Variants in PRKCZ observed in about 807,000 individuals in gnomAD.
The protein encoded by PRKCZ is protein kinase C zeta type.
PRKCZ carries 33 observed loss-of-function variants against 79.5 expected under a neutral mutation model. The ratio of observed to expected loss-of-function variants is 0.41; its 90% CI spans 0.31 to 0.55. The LOEUF is 0.55. PRKCZ is among the 20% of genes least tolerant of loss of function. The pLI, the probability that PRKCZ is intolerant of heterozygous loss-of-function variation, is 0.19. For missense variants in PRKCZ, 578 were observed against 813.5 expected, an observed-to-expected ratio of 0.71 and a Z score of 3.52; for synonymous variants, 342 against 320.9, an observed-to-expected ratio of 1.07 and a Z score of -0.70.
chr1:2,169,800 G>C (rs1684078990), intron 11 of PRKCZ, among the ~76,000 whole-genome samples, 196 bp downstream of exon 11: 1 of 132,256 alleles, frequency 7.6e-6, no homozygotes, highest in South Asian at 3.2e-4. Context: ...ACGGGGGCGG[G>C]GGGGGCGGGG....
At chr1:2,110,549 A>C (rs1032849809) in intron 4 of PRKCZ, among the ~76,000 whole-genome samples, 1 of 152,052 alleles carries the variant, frequency 6.6e-6, no homozygotes, top group South Asian at 2.1e-4. Flanking sequence ...CCGAAGAGGG[A>C]AACAGAGACT....
chr1:2,066,057 G>C (rs1422168794), intron 4 of PRKCZ, among the ~76,000 whole-genome samples: 1 of 152,020 alleles, frequency 6.6e-6, no homozygotes, highest in East Asian at 1.9e-4. Context: ...CATTTTACTA[G>C]TATTTTCTTG....
At chr1:2,114,772 C>G (rs1480868763) in intron 4 of PRKCZ, among the ~76,000 whole-genome samples, 1 of 145,030 alleles carries the variant, frequency 6.9e-6, no homozygotes, top group Non-Finnish European at 1.5e-5. Context: ...GACTCCGTCT[C>G]AAAAAAAAAA....
At chr1:2,130,402 C>A (rs1394825185) in intron 4 of PRKCZ, among the ~76,000 whole-genome samples, 1 of 152,198 alleles carries the variant, frequency 6.6e-6, no homozygotes, top group Non-Finnish European at 1.5e-5. Context: ...CCTGGCGTGC[C>A]TTCCCGTGGG....
At chr1:2,086,187 A>T (rs1664491337) in intron 4 of PRKCZ, among the ~76,000 whole-genome samples, 1 of 151,160 alleles carries the variant, frequency 6.6e-6, no homozygotes, top group African/African-American at 2.4e-5. Context: ...TCAGCCTCCC[A>T]AGTAGCTGGG....
chr1:2,157,299 G>A (rs1474340640), intron 10 of PRKCZ, among the ~76,000 whole-genome samples: 3 of 152,252 alleles, frequency 2.0e-5, no homozygotes, highest in Middle Eastern at 3.4e-3. Context: ...CTACTAGGGC[G>A]TCCCGTGCCC....
Position 2,172,330 on chromosome 1 carries a change from C to G in PRKCZ, c.1227C>G (p.Ser409Arg). 6.2e-7 allele frequency: 1 copy of G among 1,613,620 alleles called. No individual in the cohort carries two copies. The highest frequency in any genetic ancestry group is 8.5e-7 in the Non-Finnish European group (1 of 1,180,022). The change falls in exon 13 of 18, where the codon AGC (serine) becomes AGG (arginine). Residue 409 changes from serine to arginine, a missense_variant. Coordinates refer to ENST00000378567, the MANE Select transcript of PRKCZ (RefSeq NM_002744.6). The surrounding 1 kb of genome is among the most constrained non-coding windows in gnomAD (Gnocchi z 7.8). Reference sequence around the variant, plus strand: ...GCCTGGGCCCTGGTGACACAACGAGCACTTTCTGCGGAACCCCGAATTACA... The same window carrying G: ...GCCTGGGCCCTGGTGACACAACGAGGACTTTCTGCGGAACCCCGAATTACA... ...KEGLGPGDTT[S>R]TFCGTPNYIA...
chr1:2,184,526 A>C, intron 16 of PRKCZ, 57 bp from the exon 17 acceptor site: 2 of 1,336,334 alleles, frequency 1.5e-6, no homozygotes, highest in Middle Eastern at 1.8e-4. Context: ...CAAAACACTC[A>C]ATCTGGTAGG....
Position 2,054,392 on chromosome 1 carries a change from G to C in PRKCZ, c.72-1049G>C, listed in dbSNP as rs77448507. Among the ~76,000 whole-genome samples, 493 of 152,254 alleles carry C rather than the reference G, an allele frequency of 3.2e-3. 24 individuals are homozygous for C. The East Asian group carries it at 0.08, about 25-fold the overall frequency. Reference sequence around the variant, plus strand: ...TGTGGTGGTCCCTCCCCTCCACGCAGGGTGAGACCAGCTCTTGCTCAGTGC... The same window carrying C: ...TGTGGTGGTCCCTCCCCTCCACGCACGGTGAGACCAGCTCTTGCTCAGTGC... On this transcript the variant is annotated intron_variant, in intron 1 of 17. Transcript: ENST00000378567.
In PRKCZ at chr1:2,069,359, G is replaced by T. The variant is rs566552391; in HGVS notation, c.334+9768G>T. 7.9e-5 allele frequency among the ~76,000 whole-genome samples: 12 copies of T among 152,306 alleles called. No homozygotes were observed. The South Asian group carries it at 2.5e-3, about 32-fold the overall frequency. On this transcript the variant is annotated intron_variant, in intron 4 of 17. Transcript: ENST00000378567. The stretch of plus-strand genomic sequence containing the variant: ...GAGGCTGCTGTACCTGGCAGGGAGG[G>T]TCCTGGGCAAGGGGGCATGGAGTGG...
At chr1:2,101,146 A>C (rs992361825) in intron 4 of PRKCZ, among the ~76,000 whole-genome samples, 1 of 151,902 alleles carries the variant, frequency 6.6e-6, no homozygotes, top group African/African-American at 2.4e-5. Context: ...TGAGTTCCCA[A>C]CTCTTGATTT....
At chr1:2,060,376 G>A (rs1048934970) in intron 4 of PRKCZ, among the ~76,000 whole-genome samples, 5 of 152,246 alleles carry the variant, frequency 3.3e-5, no homozygotes, top group South Asian at 2.1e-4. Context: ...TGTGTTGGGC[G>A]GGAACTGGGG....
intron 4 of PRKCZ, among the ~76,000 whole-genome samples, chr1:2,083,202 C>T (rs1034544679): frequency 6.6e-5 from 10 of 152,046 alleles, no homozygotes; most frequent in African/African-American, 2.2e-4. Flanking sequence ...GAGGAGGGGT[C>T]GCTTCGAGGG....
In PRKCZ at chr1:2,075,872, G is replaced by T. The variant is rs987896763; in HGVS notation, c.334+16281G>T. Among the ~76,000 whole-genome samples, 4 of 152,230 alleles carry T rather than the reference G, an allele frequency of 2.6e-5. No homozygotes were observed. The highest frequency in any genetic ancestry group is 7.2e-5 in the African/African-American group (3 of 41,458). On this transcript the variant is annotated intron_variant, in intron 4 of 17. Coordinates refer to ENST00000378567, the MANE Select transcript of PRKCZ (RefSeq NM_002744.6). This position sits in a 1 kb window ranked among gnomAD's most constrained non-coding sequence, Gnocchi z 4.8. ...GTTCCCGTGCTTGTGACCTGCTCTC[G>T]TGTGTGTAGCAGCGGGGGCTGCGTC...
chr1:2,096,534 C>T (rs113902281), intron 4 of PRKCZ, among the ~76,000 whole-genome samples: 4,080 of 152,088 alleles, frequency 0.027, 178 homozygotes, highest in East Asian at 0.13. Context: ...CCTCGGTGGG[C>T]GCTCAGAGGC....
In PRKCZ at chr1:2,174,712, C is replaced by T. The variant is rs775561410; in HGVS notation, c.1406-42C>T. On this transcript the variant is annotated intron_variant, in intron 14 of 17. Coordinates refer to ENST00000378567, the MANE Select transcript of PRKCZ (RefSeq NM_002744.6). This position sits in a 1 kb window ranked among gnomAD's most constrained non-coding sequence, Gnocchi z 6.2. ...AGTCTGGGCGGCACTGGGCAAATGGCACACAACACAGGCAAGTCCTCACCA... is the reference window on the plus strand; with the variant it reads ...AGTCTGGGCGGCACTGGGCAAATGGTACACAACACAGGCAAGTCCTCACCA... 1.3e-6 allele frequency: 2 copies of T among 1,594,674 alleles called. No individual in the cohort carries two copies. The highest frequency in any genetic ancestry group is 4.5e-5 in the East Asian group (2 of 44,758).
chr1:2,054,592 G>C (rs1360852197), intron 1 of PRKCZ, among the ~76,000 whole-genome samples: 1 of 152,038 alleles, frequency 6.6e-6, no homozygotes, highest in African/African-American at 2.4e-5. Flanking sequence ...AATCTGCCGG[G>C]GCTTCTGCCG....
chr1:2,076,045 G>C (rs1250643381), intron 4 of PRKCZ, among the ~76,000 whole-genome samples: 3 of 152,238 alleles, frequency 2.0e-5, no homozygotes, highest in Non-Finnish European at 2.9e-5. Context: ...TCTTGTGCTG[G>C]CGTGGAGCTT....
At chr1:2,183,579 G>A (rs1457582209) in intron 16 of PRKCZ, 2 of 152,488 alleles carry the variant, frequency 1.3e-5, no homozygotes, top group Non-Finnish European at 2.9e-5. Context: ...ACCTGAGCGA[G>A]CCTGGGTAAT....
Sources: gnomAD v4.1 joint callset for allele counts (sites outside exome capture counted in the v4.1 genomes callset) on GRCh38, gnomAD v4.1.1 for gene constraint, Gnocchi (gnomAD v3.1) non-coding constraint, MANE v1.5 for transcripts, NCBI Gene and HGNC (gene_info 2026-07-23, HGNC 2026-07-21) for gene names.